The following CNTLN variants were observed in gnomAD, a reference collection of about 807,000 sequenced individuals.
The protein encoded by CNTLN is centlein, centrosomal protein.
A neutral mutation model predicts 180.0 loss-of-function variants in CNTLN; 212 were observed. The ratio of observed to expected loss-of-function variants is 1.18; its 90% CI spans 1.05 to 1.32. The LOEUF (loss-of-function observed/expected upper bound fraction) is 1.32, where lower values mean the gene tolerates loss of function less well. CNTLN is among the 40% of genes most tolerant of loss of function. The pLI is 0.00. For synonymous variants in CNTLN, 722 were observed against 563.1 expected (o/e 1.28, Z -3.99); for missense variants, 2,095 against 1,610.9 (o/e 1.30, Z -5.14).
intron 18 of CNTLN, among the ~76,000 whole-genome samples, chr9:17,437,495 C>A (rs573305182): frequency 3.3e-5 from 5 of 152,206 alleles, no homozygotes; most frequent in African/African-American, 1.2e-4. Flanking sequence ...CATCAACATA[C>A]TTTCAGATAG....
chr9:17,199,670 C>T (rs188340548), intron 2 of CNTLN, among the ~76,000 whole-genome samples: 238 of 152,148 alleles, frequency 1.6e-3, no homozygotes, highest in African/African-American at 5.3e-3. Flanking sequence ...GTATCCTTTG[C>T]CCAGTTTTTG....
chr9:17,275,088 C>A (rs1240983374), intron 6 of CNTLN, among the ~76,000 whole-genome samples: 1 of 151,922 alleles, frequency 6.6e-6, no homozygotes. Flanking sequence ...AAAAGTAATT[C>A]TAAATAGGAA....
chr9:17,285,347 T>A (rs1426450175), intron 6 of CNTLN, among the ~76,000 whole-genome samples: 1 of 149,442 alleles, frequency 6.7e-6, no homozygotes, highest in African/African-American at 2.5e-5. Context: ...TCATTTTTTA[T>A]GGCTGCATAG....
At chr9:17,152,665 G>C (rs1416080032) in intron 2 of CNTLN, among the ~76,000 whole-genome samples, 2 of 152,170 alleles carry the variant, frequency 1.3e-5, no homozygotes, top group Non-Finnish European at 2.9e-5. Flanking sequence ...TTCTGTAGAT[G>C]TCTATTAGGT....
intron 2 of CNTLN, among the ~76,000 whole-genome samples, chr9:17,159,914 A>G (rs1819559619): frequency 1.3e-5 from 2 of 152,270 alleles, no homozygotes; most frequent in Non-Finnish European, 2.9e-5. Context: ...TTCACTGGAG[A>G]GTGGGTCAGG....
In CNTLN at chr9:17,299,456, T is replaced by TA. The variant is rs1818196830; in HGVS notation, c.1146+1110dup. 9.2e-6 allele frequency: 9 copies of TA among 979,774 alleles called. 1 individual carries two copies. The South Asian group carries it at 3.8e-4, about 41-fold the overall frequency. The allele number at this position is 979,774 out of a possible 1,614,324, so 60.7% of individuals were successfully genotyped here. On this transcript the variant is annotated intron_variant, in intron 7 of 25. Coordinates refer to ENST00000380647, the MANE Select transcript of CNTLN (RefSeq NM_017738.4). ...ATTTTTACTTCTGATCTTACTTTTC[T>TA]AAAAAATCACTGTGAAAATCGAATG...
At chr9:17,422,402 T>G (rs1225746896) in intron 18 of CNTLN, among the ~76,000 whole-genome samples, 1 of 152,164 alleles carries the variant, frequency 6.6e-6, no homozygotes, top group Non-Finnish European at 1.5e-5. Context: ...TCTATCACCC[T>G]CTGATACGTG....
At chr9:17,310,628 T>C (rs183405904) in intron 8 of CNTLN, among the ~76,000 whole-genome samples, 10 of 152,330 alleles carry the variant, frequency 6.6e-5, no homozygotes, top group Non-Finnish European at 1.3e-4. Flanking sequence ...AAAATGTTAC[T>C]TTTAGGTGAT....
chr9:17,413,833 A>G (rs181861048), intron 16 of CNTLN, among the ~76,000 whole-genome samples: 72 of 152,320 alleles, frequency 4.7e-4, no homozygotes, highest in African/African-American at 1.3e-3. Context: ...TAAACTTACC[A>G]TACAACCCAG....
chr9:17,524,110 T>C, the CNTLN span, among the ~76,000 whole-genome samples: 1 of 152,260 alleles, frequency 6.6e-6, no homozygotes, highest in African/African-American at 2.4e-5. Flanking sequence ...TAATGGTAAT[T>C]TGATATTTAA....
chr9:17,510,534 A>C, the CNTLN span, among the ~76,000 whole-genome samples: 1 of 152,170 alleles, frequency 6.6e-6, no homozygotes, highest in Non-Finnish European at 1.5e-5. Context: ...AGTAAAGCAG[A>C]TTGCCCTCCA....
chr9:17,171,211 T>C (rs868848040), intron 2 of CNTLN, among the ~76,000 whole-genome samples: 1 of 151,786 alleles, frequency 6.6e-6, no homozygotes, highest in African/African-American at 2.4e-5. Flanking sequence ...TTTTGTTTTT[T>C]GGTGGCATCT....
rs111247558 is a variant in CNTLN at position 17,222,381 on chromosome 9, C to G, written c.450-3822C>G. 1.5e-3 allele frequency among the ~76,000 whole-genome samples: 222 copies of G among 152,094 alleles called. 2 individuals are homozygous for G. Among genetic ancestry groups the G allele is most frequent in the African/African-American group, 5.2e-3 (216 of 41,498 alleles). On this transcript the variant is annotated intron_variant, in intron 2 of 25. Coordinates refer to ENST00000380647, the MANE Select transcript of CNTLN (RefSeq NM_017738.4). ...CCCAAATCTCATCTTTAGTTGTACT[C>G]CCATAATTCCCAATGTGTTATGGAA...
intron 5 of CNTLN, among the ~76,000 whole-genome samples, chr9:17,242,272 G>A (rs1825538097): frequency 6.6e-6 from 1 of 151,074 alleles, no homozygotes; most frequent in South Asian, 2.1e-4. Context: ...TTTATCAAAT[G>A]CTTTTTCACC....
At chr9:17,484,128 C>T (rs890831712) in intron 23 of CNTLN, among the ~76,000 whole-genome samples, 167 bp from the exon 24 acceptor site, 3 of 152,086 alleles carry the variant, frequency 2.0e-5, no homozygotes, top group African/African-American at 4.8e-5. Flanking sequence ...ACTTTTATTG[C>T]GTGCTGACAA....
At chr9:17,404,732 A>C (rs1827242843) in intron 15 of CNTLN, among the ~76,000 whole-genome samples, 1 of 127,764 alleles carries the variant, frequency 7.8e-6, no homozygotes, top group South Asian at 2.5e-4. Flanking sequence ...CATCCTTCTG[A>C]AACAAATTTT....
chr9:17,327,906 T>G (rs978928114), intron 8 of CNTLN, among the ~76,000 whole-genome samples: 1 of 151,878 alleles, frequency 6.6e-6, no homozygotes, highest in Non-Finnish European at 1.5e-5. Flanking sequence ...TGAGCCGAGA[T>G]TGCACCATTG....
At chr9:17,160,479 T>C (rs1300415557) in intron 2 of CNTLN, among the ~76,000 whole-genome samples, 1 of 152,218 alleles carries the variant, frequency 6.6e-6, no homozygotes, top group Non-Finnish European at 1.5e-5. Context: ...TTGATACCTT[T>C]TGGACTCTTT....
chr9:17,219,041 T>C (rs538602753), intron 2 of CNTLN, among the ~76,000 whole-genome samples: 1 of 152,288 alleles, frequency 6.6e-6, no homozygotes, highest in South Asian at 2.1e-4. Flanking sequence ...AATGTTTAAA[T>C]GGGAAGTACT....
Sources: allele counts gnomAD v4.1 joint callset (sites outside exome capture counted in the v4.1 genomes callset), GRCh38; gene constraint gnomAD v4.1.1; transcripts MANE v1.5; gene names NCBI Gene and HGNC (gene_info 2026-07-23, HGNC 2026-07-21).